The following RHOU variants were observed in gnomAD, a reference collection of about 807,000 sequenced individuals.
RHOU encodes the protein ras homolog family member U.
RHOU carries 8 observed loss-of-function variants against 12.6 expected under a neutral mutation model. The observed-to-expected ratio is 0.64, with a 90% CI of 0.37 to 1.15. The LOEUF is 1.15. RHOU is among the 50% of genes most tolerant of loss of function. RHOU has a pLI of 0.01. For missense variants in RHOU, 258 were observed against 347.0 expected, an observed-to-expected ratio of 0.74 and a Z score of 2.04; for synonymous variants, 161 against 147.4, an observed-to-expected ratio of 1.09 and a Z score of -0.67.
chr1:228,660,867 A>T, the RHOU span, among the ~76,000 whole-genome samples: 1 of 148,798 alleles, frequency 6.7e-6, no homozygotes. Context: ...CAGGAGGCAG[A>T]GGTTGCGGTG....
At chr1:228,732,964 T>C (rs1056320993), upstream of RHOU, among the ~76,000 whole-genome samples, 4 of 152,232 alleles carry the variant, frequency 2.6e-5, no homozygotes, top group African/African-American at 9.6e-5. Context: ...AGACATGACA[T>C]TTTAATAAAC....
At chr1:228,711,597 G>A in the RHOU span, among the ~76,000 whole-genome samples, 4 of 152,292 alleles carry the variant, frequency 2.6e-5, no homozygotes, top group South Asian at 4.1e-4. Context: ...GGGAAAACTG[G>A]CTAGCCATAT....
chr1:228,712,830 A>C, the RHOU span, among the ~76,000 whole-genome samples: 24 of 45,200 alleles, frequency 5.3e-4, no homozygotes, highest in African/African-American at 4.7e-3. Context: ...TAAATAAATA[A>C]ATAAAATAAA....
the RHOU span, among the ~76,000 whole-genome samples, chr1:228,720,434 A>G: frequency 6.6e-6 from 1 of 152,180 alleles, no homozygotes; most frequent in Non-Finnish European, 1.5e-5. Flanking sequence ...CTAACCCCCA[A>G]TACCTCAGAA....
the RHOU span, among the ~76,000 whole-genome samples, chr1:228,722,684 G>A: frequency 6.6e-6 from 1 of 150,942 alleles, no homozygotes; most frequent in Admixed American, 6.6e-5. Context: ...GTGCAGTGGC[G>A]CGATCTCAGC....
At chr1:228,712,864 AAATAAAAT>A in the RHOU span, among the ~76,000 whole-genome samples, 3 of 149,438 alleles carry the variant, frequency 2.0e-5, no homozygotes, top group African/African-American at 7.5e-5. Context: ...AAATAAAATA[AAATAAAAT>A]AAAATACCCA....
chr1:228,737,611 A>G lies in RHOU; in HGVS notation c.263-62A>G. 2.1e-6 allele frequency: 3 copies of G among 1,449,442 alleles called. No individual in the cohort carries two copies. The highest frequency in any genetic ancestry group is 2.9e-6 in the Non-Finnish European group (3 of 1,030,164). 89.8% of individuals were successfully genotyped at this position (1,449,442 alleles called of 1,614,324 possible). ...GAGAATGATAGTGAAAGCTAAAACTATTAGTATTCCGAAAGGGGTTAAAAG... is the reference window on the plus strand; with the variant it reads ...GAGAATGATAGTGAAAGCTAAAACTGTTAGTATTCCGAAAGGGGTTAAAAG... On this transcript the variant is annotated intron_variant, in intron 1 of 2. Transcript: ENST00000366691. The surrounding 1 kb of genome is among the most constrained non-coding windows in gnomAD (Gnocchi z 4.1).
At chr1:228,672,388 T>C in the RHOU span, among the ~76,000 whole-genome samples, 1 of 152,150 alleles carries the variant, frequency 6.6e-6, no homozygotes, top group Non-Finnish European at 1.5e-5. Flanking sequence ...GTCTCGAACT[T>C]CTGACCTCAG....
the RHOU span, among the ~76,000 whole-genome samples, chr1:228,653,440 C>T: frequency 2.0e-5 from 3 of 152,216 alleles, no homozygotes; most frequent in Non-Finnish European, 4.4e-5. Flanking sequence ...CTGCCTCAGC[C>T]TTCCAAGTGG....
At chr1:228,667,357 T>C in the RHOU span, among the ~76,000 whole-genome samples, 69 of 152,308 alleles carry the variant, frequency 4.5e-4, no homozygotes, top group South Asian at 5.4e-3. Context: ...CCTGGTGGCA[T>C]CCAGGAAGAG....
At chr1:228,694,570 G>C in the RHOU span, among the ~76,000 whole-genome samples, 1 of 152,172 alleles carries the variant, frequency 6.6e-6, no homozygotes, top group Non-Finnish European at 1.5e-5. Context: ...AGAACATGCA[G>C]TGTTTGGTTT....
Position 228,742,448 on chromosome 1 carries a change from C to A in RHOU, c.322-837C>A, listed in dbSNP as rs149515316. 3.6e-3 allele frequency among the ~76,000 whole-genome samples: 545 copies of A among 152,256 alleles called. 3 individuals are homozygous for A. Among genetic ancestry groups the A allele is most frequent in the Middle Eastern group, 0.027 (8 of 294 alleles). On this transcript the variant is annotated intron_variant, in intron 2 of 2. Transcript: ENST00000366691. ...AACTTATTCTATCCACTTCTCTATA[C>A]TTTAAGGGTAGGGTGGGCGTGCCTA...
Position 228,737,591 on chromosome 1 carries a change from T to C in RHOU, c.263-82T>C. ...GGAGCAAAGGGGTTTGGAGTGAGAA[T>C]GATAGTGAAAGCTAAAACTATTAGT... is the stretch of plus-strand genomic sequence containing the variant. On this transcript the variant is annotated intron_variant, in intron 1 of 2. Transcript: ENST00000366691. The surrounding 1 kb of genome is among the most constrained non-coding windows in gnomAD (Gnocchi z 4.1). 7.6e-7 allele frequency: 1 copy of C among 1,317,778 alleles called. No individual in the cohort carries two copies. Among genetic ancestry groups the C allele is most frequent in the Non-Finnish European group, 1.1e-6 (1 of 911,752 alleles). The allele number at this position is 1,317,778 out of a possible 1,614,324, so 81.6% of individuals were successfully genotyped here.
chr1:228,699,221 G>C, the RHOU span, among the ~76,000 whole-genome samples: 3 of 151,634 alleles, frequency 2.0e-5, no homozygotes, highest in Non-Finnish European at 4.4e-5. Flanking sequence ...TGAGGTGGGA[G>C]GATTGCTTGA....
At chr1:228,665,042 A>G in the RHOU span, among the ~76,000 whole-genome samples, 1 of 152,220 alleles carries the variant, frequency 6.6e-6, no homozygotes, top group Non-Finnish European at 1.5e-5. Context: ...AAACCCTTCA[A>G]GATAGGTACT....
the RHOU span, among the ~76,000 whole-genome samples, chr1:228,671,684 G>C: frequency 2.3e-5 from 3 of 129,290 alleles, no homozygotes; most frequent in African/African-American, 6.1e-5. Context: ...CTGCACTCCA[G>C]CCTGGGTGAC....
chr1:228,651,372 T>TC, the RHOU span: 1 of 158,386 alleles, frequency 6.3e-6, no homozygotes, highest in African/African-American at 2.4e-5. Flanking sequence ...ACAGCCACAT[T>TC]CTGCTAAAAC....
the RHOU span, chr1:228,652,607 TC>T: frequency 6.6e-6 from 1 of 152,190 alleles, no homozygotes; most frequent in Non-Finnish European, 1.5e-5. Context: ...TCCAGAACTT[TC>T]TTTTTTAAAA....
the RHOU span, among the ~76,000 whole-genome samples, chr1:228,656,564 T>TA: frequency 6.6e-5 from 10 of 151,142 alleles, no homozygotes; most frequent in Middle Eastern, 3.4e-3. Flanking sequence ...GATGGAGCTT[T>TA]AAAAAAAAAG....
Sources: gnomAD v4.1 joint callset for allele counts (sites outside exome capture counted in the v4.1 genomes callset) on GRCh38, gnomAD v4.1.1 for gene constraint, Gnocchi (gnomAD v3.1) non-coding constraint, MANE v1.5 for transcripts, NCBI Gene and HGNC (gene_info 2026-07-23, HGNC 2026-07-21) for gene names.